Variants in NSDHL observed in about 807,000 individuals in gnomAD.
NSDHL encodes sterol-4-alpha-carboxylate 3-dehydrogenase, decarboxylating.
Under a neutral mutation model 23.0 loss-of-function variants are expected in NSDHL, and 1 was observed. The ratio of observed to expected loss-of-function variants is 0.04; its 90% CI spans 0.02 to 0.21. NSDHL has a LOEUF of 0.21. NSDHL is among the 10% of genes least tolerant of loss of function. The pLI is 1.00. For synonymous variants in NSDHL, 128 were observed against 121.1 expected (o/e 1.06, Z -0.37); for missense variants, 237 against 300.9 (o/e 0.79, Z 1.57).
chrX:152,857,822 T>C (rs1776402565), intron 3 of NSDHL, among the ~76,000 whole-genome samples: 1 of 111,768 alleles, frequency 8.9e-6, no homozygotes, highest in Non-Finnish European at 1.9e-5. Flanking sequence ...AGAGGCAGCA[T>C]GATGTCTGCA....
Position 152,869,073 on chromosome X carries a change from A to G in NSDHL, c.1079A>G (p.Glu360Gly). The change falls in exon 8 of 8, where the codon GAG becomes GGG. Residue 360 changes from glutamate (E) to glycine (G), a missense_variant. Glu to Gly is a moderately conservative substitution (Grantham distance 98). Coordinates refer to ENST00000370274, the MANE Select transcript of NSDHL (RefSeq NM_015922.3). ...QPLVTMDDAM[E>G]RTVQSFRHLR... Reference sequence around the variant, plus strand: ...CTAGTGACCATGGATGATGCTATGGAGAGGACCGTGCAGAGCTTTCGCCAC... The same window carrying G: ...CTAGTGACCATGGATGATGCTATGGGGAGGACCGTGCAGAGCTTTCGCCAC... The G allele has an allele frequency of 8.3e-7, 1 of 1,212,058 alleles. No homozygotes were observed. The highest frequency in any genetic ancestry group is 1.1e-6 in the Non-Finnish European group (1 of 895,441).
At chrX:152,840,169 T>C (rs1556844685) in intron 1 of NSDHL, among the ~76,000 whole-genome samples, 1 of 112,460 alleles carries the variant, frequency 8.9e-6, no homozygotes, top group East Asian at 2.8e-4. Flanking sequence ...TTTAAGGTCT[T>C]CTCTACACTG....
intron 3 of NSDHL, among the ~76,000 whole-genome samples, chrX:152,855,643 T>G (rs1262506992): frequency 8.9e-6 from 1 of 111,812 alleles, no homozygotes; most frequent in Non-Finnish European, 1.9e-5. Context: ...TTGTATCATC[T>G]GTCTCTTATC....
At chrX:152,834,785 G>A (rs1933065805) in intron 1 of NSDHL, among the ~76,000 whole-genome samples, 1 of 112,348 alleles carries the variant, frequency 8.9e-6, no homozygotes, top group Non-Finnish European at 1.9e-5. Context: ...CCCATTTCAG[G>A]ATTCCAAAGA....
chrX:152,866,791 G>A (rs1033972881), intron 6 of NSDHL, among the ~76,000 whole-genome samples: 13 of 112,424 alleles, frequency 1.2e-4, no homozygotes, highest in Admixed American at 7.5e-4. Flanking sequence ...TGCATCTGCC[G>A]AGCCCCTATT....
At chrX:152,862,472 T>G (rs1388592465) in intron 4 of NSDHL, 124 bp from the exon 5 acceptor site, 1 of 622,237 alleles carries the variant, frequency 1.6e-6, no homozygotes, top group Non-Finnish European at 2.6e-6. Flanking sequence ...AGCAAATAAT[T>G]TCTTCAGTGC....
Position 152,851,179 on chromosome X carries a change from C to T in NSDHL, c.267+756C>T, listed in dbSNP as rs1320370956. Reference sequence around the variant, plus strand: ...TTACCTCCATATCCACAATGTGGCACAAGCCCCATTGCTTCACATCTTTGC... The same window carrying T: ...TTACCTCCATATCCACAATGTGGCATAAGCCCCATTGCTTCACATCTTTGC... On this transcript the variant is annotated intron_variant, in intron 3 of 7. Coordinates refer to ENST00000370274, the MANE Select transcript of NSDHL (RefSeq NM_015922.3). 4.4e-5 allele frequency among the ~76,000 whole-genome samples: 5 copies of T among 112,409 alleles called. No individual in the cohort carries two copies. The South Asian group carries it at 1.1e-3, about 25-fold the overall frequency.
At chrX:152,865,303 T>A (rs1933588995) in intron 5 of NSDHL, among the ~76,000 whole-genome samples, 1 of 111,770 alleles carries the variant, frequency 8.9e-6, no homozygotes, top group African/African-American at 3.3e-5. Flanking sequence ...CCCTTCACCT[T>A]CTCTGACCCT....
At position 152,832,411 on chromosome X, in the gene NSDHL, G is replaced by A. The variant is rs150552983; in HGVS notation, c.-44+1294G>A. ...TACTCCAGGACCTAGAACAGAGAGG[G>A]GCACATATTAGACAACTGATGAGTA... On this transcript the variant is annotated intron_variant, in intron 1 of 7. Coordinates refer to ENST00000370274, the MANE Select transcript of NSDHL (RefSeq NM_015922.3). Among the ~76,000 whole-genome samples the A allele has an allele frequency of 7.1e-3, 790 of 111,887 alleles. 1 individual carries two copies. The highest frequency in any genetic ancestry group is 0.011 in the Non-Finnish European group (591 of 53,145).
Position 152,831,065 on chromosome X carries a change from T to C in NSDHL, c.-96T>C, listed in dbSNP as rs949043724. 1.9e-5 allele frequency: 6 copies of C among 309,962 alleles called. No individual in the cohort carries two copies. In the Admixed American group the frequency reaches 3.7e-4, roughly 19 times the overall value. The allele number at this position is 309,962 out of a possible 1,213,427, so 25.5% of individuals were successfully genotyped here. On this transcript the variant is annotated 5_prime_UTR_variant, in exon 1 of 8. Transcript: ENST00000370274. ...GTGGCGGTCCGGGCCTGGAGTTCAG[T>C]GGGTGCAGCCTGCTTGCGAGCTGAG...
At chrX:152,847,859 T>G (rs1361796601) in intron 2 of NSDHL, among the ~76,000 whole-genome samples, 1 of 107,682 alleles carries the variant, frequency 9.3e-6, no homozygotes, top group Non-Finnish European at 1.9e-5. Context: ...GCCTAAATGG[T>G]TTTTTTTCTT....
At chrX:152,845,762 C>A (rs1229424170) in intron 1 of NSDHL, among the ~76,000 whole-genome samples, 3 of 111,894 alleles carry the variant, frequency 2.7e-5, no homozygotes, top group African/African-American at 9.8e-5. Flanking sequence ...CCCGTCCCAG[C>A]ATCCCATGTC....
rs951806439 is a variant in NSDHL, at chrX:152,857,861, T to C, written c.268-909T>C. Among the ~76,000 whole-genome samples the C allele has an allele frequency of 3.6e-5, 4 of 111,576 alleles. 1 individual carries two copies. Among genetic ancestry groups the C allele is most frequent in the Admixed American group, 9.5e-5 (1 of 10,481 alleles). On this transcript the variant is annotated intron_variant, in intron 3 of 7. Transcript: ENST00000370274. ...TACTTGACTGGTTTCAAAAAAAAAA[T>C]CATGTGATTGTATGTAGAGAGAGGA...
chrX:152,843,472 T>C (rs1375279342), intron 1 of NSDHL, among the ~76,000 whole-genome samples: 5 of 111,819 alleles, frequency 4.5e-5, no homozygotes, highest in Non-Finnish European at 9.4e-5. Flanking sequence ...GGGAGACTCG[T>C]TCTTCATTGT....
intron 2 of NSDHL, among the ~76,000 whole-genome samples, chrX:152,849,832 A>G (rs1252942561): frequency 8.9e-6 from 1 of 112,906 alleles, no homozygotes; most frequent in Non-Finnish European, 1.9e-5. Flanking sequence ...AGTGCAAGCT[A>G]TCAGCTACCA....
intron 3 of NSDHL, among the ~76,000 whole-genome samples, chrX:152,857,836 T>C (rs1033986478): frequency 9.0e-6 from 1 of 111,648 alleles, no homozygotes; most frequent in Admixed American, 9.5e-5. Context: ...GTCTGCAACT[T>C]ACTTGACTGG....
In NSDHL at chrX:152,865,875, T is replaced by C; in HGVS notation, c.600T>C (p.Pro200=). 15 of 1,212,059 alleles carry C rather than the reference T, an allele frequency of 1.2e-5. No individual in the cohort carries two copies. Among genetic ancestry groups the C allele is most frequent in the Non-Finnish European group, 1.7e-5 (15 of 895,351 alleles). Residue 200 remains proline (P), a synonymous_variant, in exon 6 of 8, where the codon CCT becomes CCC. Coordinates refer to ENST00000370274, the MANE Select transcript of NSDHL (RefSeq NM_015922.3). ...EKNFLTTAIR[P]HGIFGPRDPQ... is the part of the protein sequence containing the mutation. ...ATTTCTTAACCACAGCCATCCGCCC[T>C]CATGGCATTTTCGGCCCAAGGGACC...
intron 2 of NSDHL, among the ~76,000 whole-genome samples, chrX:152,849,775 CTT>C (rs1369828785): frequency 1.8e-5 from 2 of 112,823 alleles, no homozygotes; most frequent in Non-Finnish European, 3.7e-5. Context: ...AAGGGACTGA[CTT>C]TGTCCTGCAA....
chrX:152,869,452 C>T lies in NSDHL; in HGVS notation c.*336C>T, dbSNP rs1280309849. The T allele has an allele frequency of 1.0e-5, 3 of 295,113 alleles. No homozygotes were observed. In the East Asian group the frequency reaches 2.2e-4, roughly 22 times the overall value. 24.3% of individuals were successfully genotyped at this position (295,113 alleles called of 1,213,427 possible). A position where few individuals can be genotyped will look rare whatever the true frequency, so the allele number is the denominator to read the frequency against. ...GTGTCCTTGTACATAATCAAGGAAG[C>T]TGTAGGAAGCTACAACCCATTTGTT... On this transcript the variant is annotated 3_prime_UTR_variant, in exon 8 of 8. Transcript: ENST00000370274.
Sources: allele counts gnomAD v4.1 joint callset (sites outside exome capture counted in the v4.1 genomes callset), GRCh38; gene constraint gnomAD v4.1.1; transcripts MANE v1.5; gene names NCBI Gene and HGNC (gene_info 2026-07-23, HGNC 2026-07-21).